ADK: variants seen among roughly 807,000 people sequenced by gnomAD.
ADK encodes the protein adenosine kinase, also known as N6,N6-dimethyladenosine kinase.
ADK carries 24 observed loss-of-function variants against 44.7 expected under a neutral mutation model. That is an observed-to-expected ratio of 0.54 (90% CI 0.39 to 0.76). The LOEUF is 0.76. Among genes scored for constraint, ADK ranks in the 30% least tolerant of loss-of-function variants. The pLI is 0.00. For synonymous variants in ADK, 128 were observed against 142.6 expected (o/e 0.90, Z 0.73); for missense variants, 321 against 425.1 (o/e 0.76, Z 2.15).
At chr10:74,602,361 GCTT>G (rs1852170861) in intron 9 of ADK, among the ~76,000 whole-genome samples, 1 of 152,146 alleles carries the variant, frequency 6.6e-6, no homozygotes, top group Non-Finnish European at 1.5e-5. Flanking sequence ...AAACATACAG[GCTT>G]CTTATAGGAA....
chr10:74,694,147 A>ATTTTTTTTTTTTTTTTTTTT (rs10669118), intron 10 of ADK, among the ~76,000 whole-genome samples: 14 of 82,298 alleles, frequency 1.7e-4, no homozygotes, highest in Non-Finnish European at 1.9e-4. Flanking sequence ...TTTCAAACAC[A>ATTTTTTTTTTTTTTTTTTTT]TTTTTTTTTT....
chr10:74,501,778 T>TATACCCACAC (rs1564758390), intron 6 of ADK, among the ~76,000 whole-genome samples: 2 of 152,192 alleles, frequency 1.3e-5, no homozygotes, highest in Non-Finnish European at 2.9e-5. Flanking sequence ...TGATTCCATT[T>TATACCCACAC]ATATGAAGTA....
At chr10:74,351,682 C>A (rs1412747468) in intron 4 of ADK, among the ~76,000 whole-genome samples, 1 of 152,058 alleles carries the variant, frequency 6.6e-6, no homozygotes, top group Non-Finnish European at 1.5e-5. Context: ...TCGTCTCAGC[C>A]CAAAACCTCC....
intron 6 of ADK, among the ~76,000 whole-genome samples, chr10:74,486,620 C>T (rs1004461034): frequency 2.6e-5 from 4 of 152,104 alleles, no homozygotes; most frequent in Non-Finnish European, 5.9e-5. Context: ...TGGATTATGG[C>T]CTCTGAGGCT....
chr10:74,534,719 A>G (rs946821932), intron 7 of ADK, among the ~76,000 whole-genome samples: 8 of 152,166 alleles, frequency 5.3e-5, no homozygotes, highest in African/African-American at 1.9e-4. Context: ...CATGTTATCT[A>G]TTAAGTTTCA....
At chr10:74,370,623 T>C (rs1842628592) in intron 4 of ADK, among the ~76,000 whole-genome samples, 1 of 152,208 alleles carries the variant, frequency 6.6e-6, no homozygotes, top group Non-Finnish European at 1.5e-5. Context: ...GGCTTTCTGA[T>C]ATATAGTTGG....
At chr10:74,570,205 C>G (rs375312785) in intron 7 of ADK, among the ~76,000 whole-genome samples, 2 of 151,952 alleles carry the variant, frequency 1.3e-5, no homozygotes, top group East Asian at 3.9e-4. Flanking sequence ...AGTCAGGTAG[C>G]GTGATGCCTC....
At chr10:74,254,839 TA>T (rs1195894313) in intron 3 of ADK, among the ~76,000 whole-genome samples, 8 of 152,348 alleles carry the variant, frequency 5.3e-5, no homozygotes, top group African/African-American at 1.9e-4. Flanking sequence ...CCAAGTGTGA[TA>T]CCTTCCTTTG....
At chr10:74,161,942 C>T (rs908235911) in intron 1 of ADK, among the ~76,000 whole-genome samples, 1 of 151,962 alleles carries the variant, frequency 6.6e-6, no homozygotes, top group Non-Finnish European at 1.5e-5. Context: ...TGAACTCAAG[C>T]AGTCCTCCTG....
chr10:74,436,726 A>G (rs1352310097), intron 6 of ADK, among the ~76,000 whole-genome samples: 2 of 152,236 alleles, frequency 1.3e-5, no homozygotes, highest in South Asian at 2.1e-4. Flanking sequence ...CAAAAGACCA[A>G]AAAGTGAACC....
At chr10:74,673,993 T>C (rs1040455624) in intron 10 of ADK, among the ~76,000 whole-genome samples, 6 of 152,136 alleles carry the variant, frequency 3.9e-5, no homozygotes, top group African/African-American at 1.4e-4. Context: ...CTTCTTTCTC[T>C]GTTGGCTGAG....
chr10:74,279,422 C>T (rs1392557994), intron 3 of ADK, among the ~76,000 whole-genome samples: 1 of 151,888 alleles, frequency 6.6e-6, no homozygotes, highest in Non-Finnish European at 1.5e-5. Context: ...CCCGTCTCTA[C>T]TAAAAATACA....
At chr10:74,347,752 C>G (rs1309071258) in intron 4 of ADK, among the ~76,000 whole-genome samples, 1 of 152,136 alleles carries the variant, frequency 6.6e-6, no homozygotes, top group African/African-American at 2.4e-5. Context: ...TCTGCAATTA[C>G]TGAGGCTTGA....
At chr10:74,667,769 G>A (rs1057380066) in intron 9 of ADK, among the ~76,000 whole-genome samples, 1 of 151,752 alleles carries the variant, frequency 6.6e-6, no homozygotes, top group Non-Finnish European at 1.5e-5. Flanking sequence ...TCCTGACCTC[G>A]TGATCTGCCC....
intron 2 of ADK, among the ~76,000 whole-genome samples, chr10:74,216,933 G>A (rs968659730): frequency 3.3e-5 from 5 of 152,160 alleles, no homozygotes; most frequent in African/African-American, 7.2e-5. Flanking sequence ...AGCTCCCAGC[G>A]TGAGCGATGC....
chr10:74,297,703 G>T (rs879692335), intron 3 of ADK, among the ~76,000 whole-genome samples: 2 of 152,138 alleles, frequency 1.3e-5, no homozygotes, highest in African/African-American at 2.4e-5. Context: ...TAATGTTTGG[G>T]AGAAGAAAGC....
At chr10:74,259,647 C>T (rs1349537928) in intron 3 of ADK, among the ~76,000 whole-genome samples, 4 of 151,448 alleles carry the variant, frequency 2.6e-5, no homozygotes, top group Non-Finnish European at 4.4e-5. Context: ...TTAGTAGAGA[C>T]GGGGTTTCAC....
chr10:74,195,089 C>A (rs889786541), intron 1 of ADK, among the ~76,000 whole-genome samples: 19 of 89,670 alleles, frequency 2.1e-4, no homozygotes, highest in Non-Finnish European at 4.3e-4. Flanking sequence ...GCTCCCCCCC[C>A]CAAAAAAAAA....
intron 10 of ADK, among the ~76,000 whole-genome samples, chr10:74,691,314 T>G (rs1478007399): frequency 6.6e-6 from 1 of 152,206 alleles, no homozygotes; most frequent in Admixed American, 6.5e-5. Context: ...TTAGTTGCTG[T>G]AAAATATATC....
Sources: gnomAD v4.1 joint callset for allele counts (sites outside exome capture counted in the v4.1 genomes callset) on GRCh38, gnomAD v4.1.1 for gene constraint, MANE v1.5 for transcripts, NCBI Gene and HGNC (gene_info 2026-07-23, HGNC 2026-07-21) for gene names.